The following HACD4 variants were observed in gnomAD, a reference collection of about 807,000 sequenced individuals.
HACD4 encodes the protein 3-hydroxyacyl-CoA dehydratase 4.
A neutral mutation model predicts 33.3 loss-of-function variants in HACD4; 35 were observed. The ratio of observed to expected loss-of-function variants is 1.05; its 90% CI spans 0.80 to 1.39. The LOEUF (loss-of-function observed/expected upper bound fraction) is 1.39, where lower values mean the gene tolerates loss of function less well. Ranked by LOEUF, HACD4 falls within the 40% of genes most tolerant of loss-of-function variation. The pLI is 0.00. For synonymous variants in HACD4, 118 were observed against 98.0 expected (o/e 1.20, Z -1.21); for missense variants, 323 against 276.5 (o/e 1.17, Z -1.19).
At chr9:21,024,402 T>G (rs1587838595) in intron 3 of HACD4, among the ~76,000 whole-genome samples, 3 of 152,370 alleles carry the variant, frequency 2.0e-5, no homozygotes, top group Admixed American at 2.0e-4. Context: ...AACATCAGAT[T>G]TTGCAAACTC....
intron 5 of HACD4, among the ~76,000 whole-genome samples, chr9:21,011,339 C>G (rs1004663584): frequency 6.6e-6 from 1 of 152,200 alleles, no homozygotes; most frequent in African/African-American, 2.4e-5. Context: ...TTACCCAAAA[C>G]TCACACAGTG....
At chr9:21,020,233 G>A (rs966308639) in intron 3 of HACD4, among the ~76,000 whole-genome samples, 1 of 151,768 alleles carries the variant, frequency 6.6e-6, no homozygotes, top group African/African-American at 2.4e-5. Context: ...TGTTTATTAT[G>A]ACACAGAGGG....
intron 5 of HACD4, among the ~76,000 whole-genome samples, chr9:21,010,204 C>G (rs1842378650): frequency 6.6e-6 from 1 of 152,122 alleles, no homozygotes; most frequent in African/African-American, 2.4e-5. Flanking sequence ...GTTTTGAAAA[C>G]TTTAATCATG....
At position 21,029,351 on chromosome 9, in the gene HACD4, C is replaced by A. The variant is rs774173197; in HGVS notation, c.86G>T (p.Cys29Phe). The change falls in exon 2 of 7, where the codon TGT becomes TTT. Residue 29 changes from cysteine (C) to phenylalanine (F), a missense_variant. Transcript: ENST00000495827. ...YLFIYYLIQFCGHSWIFTNMT... is the reference protein window; with the variant it reads ...YLFIYYLIQFFGHSWIFTNMT... ...ATTTGTAAATATCCAAGAGTGGCCA[C>A]AGAACTGGATTAAGTAATAGATGAA... The A allele has an allele frequency of 1.4e-5, 22 of 1,602,308 alleles. No homozygotes were observed. Among genetic ancestry groups the A allele is most frequent in the Non-Finnish European group, 1.8e-5 (21 of 1,170,638 alleles).
At chr9:21,014,029 A>T (rs1842499580) in intron 4 of HACD4, among the ~76,000 whole-genome samples, 1 of 152,182 alleles carries the variant, frequency 6.6e-6, no homozygotes, top group Admixed American at 6.5e-5. Context: ...ATTAGGAGGA[A>T]GGCATCAGTC....
chr9:21,026,139 G>A (rs1818055051), intron 3 of HACD4, among the ~76,000 whole-genome samples: 1 of 152,160 alleles, frequency 6.6e-6, no homozygotes, highest in African/African-American at 2.4e-5. Flanking sequence ...GAAGCCTTTT[G>A]TTTTTTAATC....
intron 1 of HACD4, among the ~76,000 whole-genome samples, chr9:21,030,275 A>AG (rs1355788408): frequency 6.7e-6 from 1 of 150,060 alleles, no homozygotes; most frequent in Non-Finnish European, 1.5e-5. Context: ...CTTACAAAAA[A>AG]AAAAAAAAAA....
chr9:21,006,729 C>A lies in HACD4; in HGVS notation c.*308G>T, dbSNP rs777415470. 7.1e-5 allele frequency: 20 copies of A among 280,264 alleles called. No homozygotes were observed. Among genetic ancestry groups the A allele is most frequent in the Admixed American group, 2.2e-4 (4 of 18,506 alleles). 17.4% of individuals were successfully genotyped at this position (280,264 alleles called of 1,614,324 possible). ...TTTAATTGAATCTATTGCAGCTAAT[C>A]TCCTATTTCTCATTAAACTTACAGG... On this transcript the variant is annotated 3_prime_UTR_variant, in exon 7 of 7. Transcript: ENST00000495827. This position sits in a 1 kb window ranked among gnomAD's most constrained non-coding sequence, Gnocchi z 4.6.
chr9:21,020,200 G>A (rs944448420), intron 3 of HACD4, among the ~76,000 whole-genome samples: 2 of 150,900 alleles, frequency 1.3e-5, no homozygotes, highest in Admixed American at 6.6e-5. Flanking sequence ...GAGTAAAAAT[G>A]TGTAAAATTA....
intron 4 of HACD4, among the ~76,000 whole-genome samples, chr9:21,012,982 A>G (rs1842472235): frequency 6.6e-6 from 1 of 151,214 alleles, no homozygotes; most frequent in Non-Finnish European, 1.5e-5. Context: ...CAGGGGCATC[A>G]CTTGAATCCA....
intron 3 of HACD4, among the ~76,000 whole-genome samples, chr9:21,024,525 G>A (rs965132628): frequency 2.0e-5 from 3 of 152,170 alleles, no homozygotes; most frequent in African/African-American, 7.2e-5. Context: ...GTTTTAATTA[G>A]CAGTGATTAA....
intron 4 of HACD4, among the ~76,000 whole-genome samples, chr9:21,013,468 G>T (rs1842485960): frequency 6.6e-6 from 1 of 152,166 alleles, no homozygotes; most frequent in Non-Finnish European, 1.5e-5. Flanking sequence ...ATTCTTCTAA[G>T]ATTGTTTTGG....
chr9:21,012,196 A>G (rs1222318865), intron 4 of HACD4, among the ~76,000 whole-genome samples: 1 of 152,228 alleles, frequency 6.6e-6, no homozygotes, highest in Admixed American at 6.5e-5. Flanking sequence ...GGGAGCTTTA[A>G]GCCTACCACT....
Position 21,031,580 on chromosome 9 carries a change from A to G in HACD4, c.11T>C (p.Leu4Ser). ...GGGCTGCAGCCAGGCGGGCAGCGCC[A>G]AGGGCCCCATGGGCCGCCGCCGCCA... The part of the protein sequence containing the change: MGP[L>S]ALPAWLQPRY... The change falls in exon 1 of 7, where the codon TTG (leucine) becomes TCG (serine). Residue 4 changes from leucine to serine, a missense_variant. Transcript: ENST00000495827. 1 of 1,447,384 alleles carries G rather than the reference A, an allele frequency of 6.9e-7. No homozygotes were observed. The highest frequency in any genetic ancestry group is 1.4e-5 in the South Asian group (1 of 73,654). The allele number at this position is 1,447,384 out of a possible 1,614,324, so 89.7% of individuals were successfully genotyped here.
At chr9:21,027,945 G>A (rs376468853) in intron 2 of HACD4, among the ~76,000 whole-genome samples, 2 of 151,984 alleles carry the variant, frequency 1.3e-5, no homozygotes, top group African/African-American at 4.8e-5. Context: ...TACCAGCCTG[G>A]CCAATGTGGT....
At chr9:21,026,390 C>A (rs1818060878) in intron 3 of HACD4, among the ~76,000 whole-genome samples, 1 of 152,238 alleles carries the variant, frequency 6.6e-6, no homozygotes, top group Non-Finnish European at 1.5e-5. Flanking sequence ...GCAAGATCAG[C>A]AAGCATCACT....
At position 21,004,694 on chromosome 9, in the gene HACD4, C is replaced by T. The variant is rs1842228387; in HGVS notation, c.*2343G>A. 6.6e-6 allele frequency: 1 copy of T among 152,566 alleles called. No individual in the cohort carries two copies. Among genetic ancestry groups the T allele is most frequent in the Non-Finnish European group, 1.5e-5 (1 of 68,392 alleles). 9.5% of individuals were successfully genotyped at this position (152,566 alleles called of 1,614,324 possible). A position where few individuals can be genotyped will look rare whatever the true frequency, so the allele number is the denominator to read the frequency against. On this transcript the variant is annotated 3_prime_UTR_variant, in exon 7 of 7. Coordinates refer to ENST00000495827, the MANE Select transcript of HACD4 (RefSeq NM_001010915.5). The surrounding 1 kb of genome is among the most constrained non-coding windows in gnomAD (Gnocchi z 4.6). ...GAAATATATTTGTTGTCTAAGCCACCCAGTTTATGGTATTTTGTTATAGCA... is the reference window on the plus strand; with the variant it reads ...GAAATATATTTGTTGTCTAAGCCACTCAGTTTATGGTATTTTGTTATAGCA...
chr9:21,026,714 A>C lies in HACD4; in HGVS notation c.152T>G (p.Val51Gly), dbSNP rs1449453679. Residue 51 changes from valine to glycine, a missense_variant, in exon 3 of 7, where the codon GTT (valine) becomes GGT (glycine). Coordinates refer to ENST00000495827, the MANE Select transcript of HACD4 (RefSeq NM_001010915.5). ...RFFSFGKDSM[V>G]DTFYAIGLVM... is the part of the protein sequence containing the mutation. ...AAGTCCAATAGCATAAAAAGTGTCAACCATTGAATCTGTATCCCGTGGGTT... is the reference window on the plus strand; with the variant it reads ...AAGTCCAATAGCATAAAAAGTGTCACCCATTGAATCTGTATCCCGTGGGTT... The C allele has an allele frequency of 6.2e-6, 10 of 1,613,712 alleles. No homozygotes were observed. The highest frequency in any genetic ancestry group is 7.6e-6 in the Non-Finnish European group (9 of 1,179,770).
At chr9:21,019,992 T>C (rs999565584) in intron 3 of HACD4, among the ~76,000 whole-genome samples, 30 of 152,070 alleles carry the variant, frequency 2.0e-4, no homozygotes, top group African/African-American at 7.2e-4. Context: ...ATATTTGTTC[T>C]CTTAAGAGTA....
Sources: allele counts gnomAD v4.1 joint callset (sites outside exome capture counted in the v4.1 genomes callset), GRCh38; gene constraint gnomAD v4.1.1; non-coding constraint Gnocchi (gnomAD v3.1); transcripts MANE v1.5; gene names NCBI Gene and HGNC (gene_info 2026-07-23, HGNC 2026-07-21).